FAM107A: variants seen among roughly 807,000 people sequenced by gnomAD.
FAM107A encodes the protein family with sequence similarity 107 member A.
Under a neutral mutation model 13.7 loss-of-function variants are expected in FAM107A, and 19 were observed. The ratio of observed to expected loss-of-function variants is 1.38; its 90% CI spans 0.97 to 2.03. The LOEUF is 2.03. FAM107A is among the 30% of genes most tolerant of loss of function. The probability of loss-of-function intolerance (pLI) is 0.00; values close to 1 mark genes in which losing one functional copy is unlikely to be tolerated. For synonymous variants in FAM107A, 82 were observed against 74.5 expected (o/e 1.10, Z -0.52); for missense variants, 203 against 184.4 (o/e 1.10, Z -0.58).
At chr3:58,615,898 C>CAAAA (rs11311985) in intron 1 of FAM107A, among the ~76,000 whole-genome samples, 29 of 74,716 alleles carry the variant, frequency 3.9e-4, no homozygotes, top group African/African-American at 7.0e-4. Flanking sequence ...GACCCTGTCT[C>CAAAA]AAAAAAAAAA....
intron 1 of FAM107A, among the ~76,000 whole-genome samples, chr3:58,576,604 A>G (rs560824931): frequency 1.3e-5 from 2 of 152,242 alleles, no homozygotes; most frequent in Non-Finnish European, 2.9e-5. Context: ...GTTTGGTAGC[A>G]GTTTCAAAAA....
chr3:58,579,329 T>G (rs1204319772), upstream of FAM107A, among the ~76,000 whole-genome samples: 1 of 152,148 alleles, frequency 6.6e-6, no homozygotes, highest in Non-Finnish European at 1.5e-5. Flanking sequence ...CAGGGAGTCT[T>G]GGCCACGCTG....
upstream of FAM107A, among the ~76,000 whole-genome samples, chr3:58,579,245 CAGG>C (rs2063753344): frequency 6.6e-6 from 1 of 152,042 alleles, no homozygotes; most frequent in Admixed American, 6.6e-5. Flanking sequence ...GATGTAAAGG[CAGG>C]CTGGGTGCCA....
upstream of FAM107A, among the ~76,000 whole-genome samples, chr3:58,582,092 T>C (rs1390633178): frequency 6.6e-6 from 1 of 152,222 alleles, no homozygotes; most frequent in African/African-American, 2.4e-5. Context: ...GCTGTCAAAC[T>C]GAGCAAACTT....
intron 1 of FAM107A, among the ~76,000 whole-genome samples, chr3:58,621,834 A>G (rs891214095): frequency 6.6e-6 from 1 of 152,200 alleles, no homozygotes; most frequent in African/African-American, 2.4e-5. Context: ...TGGCCTGCCC[A>G]AGAGAGTGCT....
intron 1 of FAM107A, among the ~76,000 whole-genome samples, chr3:58,622,712 T>A (rs2106641920): frequency 6.6e-6 from 1 of 151,630 alleles, no homozygotes; most frequent in Middle Eastern, 3.4e-3. Context: ...TGAGAAAAGG[T>A]GGAGAGGCTG....
Position 58,604,916 on chromosome 3 carries a change from G to A in FAM107A, c.-69-15647C>T, listed in dbSNP as rs1330755487. ...ATGTGTTGTGGAGACTCTGGATTTT[G>A]TTATCTTTTTCTGATGAGTGTTAGG... is the stretch of plus-strand genomic sequence containing the variant. On this transcript the variant is annotated intron_variant, in intron 1 of 3. Transcript: ENST00000465970. The surrounding 1 kb of genome is among the most constrained non-coding windows in gnomAD (Gnocchi z 4.1). Among the ~76,000 whole-genome samples, 1 of 152,140 alleles carries A rather than the reference G, an allele frequency of 6.6e-6. No homozygotes were observed. Among genetic ancestry groups the A allele is most frequent in the Non-Finnish European group, 1.5e-5 (1 of 68,014 alleles).
At chr3:58,626,504 G>T (rs1220787054) in intron 1 of FAM107A, among the ~76,000 whole-genome samples, 2 of 152,172 alleles carry the variant, frequency 1.3e-5, no homozygotes, top group African/African-American at 2.4e-5. Context: ...TTCCAAGGTA[G>T]TGATTATTAT....
intron 1 of FAM107A, among the ~76,000 whole-genome samples, chr3:58,572,054 G>A (rs534010607): frequency 8.5e-5 from 13 of 152,250 alleles, no homozygotes; most frequent in Admixed American, 2.0e-4. Context: ...GAACAGAAAC[G>A]CATTTGAAAC....
At chr3:58,607,019 T>G (rs992137562) in intron 1 of FAM107A, 1 of 152,220 alleles carries the variant, frequency 6.6e-6, no homozygotes, top group Admixed American at 6.5e-5. Context: ...TTGATGTCAT[T>G]ACTCCTAGAC....
upstream of FAM107A, among the ~76,000 whole-genome samples, chr3:58,591,217 G>A (rs891630827): frequency 3.3e-5 from 5 of 152,218 alleles, no homozygotes; most frequent in Admixed American, 2.0e-4. This position sits in a 1 kb window ranked among gnomAD's most constrained non-coding sequence, Gnocchi z 4.3. Flanking sequence ...TGTAGAGAAG[G>A]GAAAGGGGGT....
rs1179350277 is a variant in FAM107A, at chr3:58,617,861, A to G, written c.-70+9555T>C. Among the ~76,000 whole-genome samples the G allele has an allele frequency of 6.6e-6, 1 of 152,232 alleles. No individual in the cohort carries two copies. Among genetic ancestry groups the G allele is most frequent in the Non-Finnish European group, 1.5e-5 (1 of 68,054 alleles). On this transcript the variant is annotated intron_variant, in intron 1 of 3. Coordinates refer to the FAM107A transcript ENST00000465970. The surrounding 1 kb of genome is among the most constrained non-coding windows in gnomAD (Gnocchi z 4.5). The stretch of plus-strand genomic sequence containing the variant: ...GCTTCAGTCCTGATGCTTGAAAAAC[A>G]AGATGAACAGCTTCAATCCTGACGC...
intron 1 of FAM107A, among the ~76,000 whole-genome samples, chr3:58,618,433 CT>C (rs1365313929): frequency 6.6e-6 from 1 of 152,214 alleles, no homozygotes; most frequent in Non-Finnish European, 1.5e-5. Context: ...TCACTTTACC[CT>C]AAACCAGTGG....
intron 2 of FAM107A, among the ~76,000 whole-genome samples, chr3:58,568,305 G>A (rs918648803): frequency 6.6e-6 from 1 of 151,864 alleles, no homozygotes; most frequent in Non-Finnish European, 1.5e-5. Flanking sequence ...TGTGGTGGCG[G>A]GCACCTGTAG....
chr3:58,593,829 A>G (rs2065675245), intron 1 of FAM107A, among the ~76,000 whole-genome samples: 1 of 152,070 alleles, frequency 6.6e-6, no homozygotes, highest in Non-Finnish European at 1.5e-5. Context: ...CTCCTTTAAT[A>G]GCCCTCATCT....
At chr3:58,627,262 C>A (rs1214796137) in intron 1 of FAM107A, 2 of 501,810 alleles carry the variant, frequency 4.0e-6, no homozygotes, top group Non-Finnish European at 7.1e-6. Flanking sequence ...CCTGCAGCTC[C>A]TCACCTCCCA....
intron 1 of FAM107A, among the ~76,000 whole-genome samples, chr3:58,621,880 T>C (rs561326205): frequency 6.6e-6 from 1 of 152,344 alleles, no homozygotes; most frequent in South Asian, 2.1e-4. Flanking sequence ...ACACTAGCCC[T>C]GCCACTTCCT....
chr3:58,586,516 C>A (rs1359605084), intron 1 of FAM107A, among the ~76,000 whole-genome samples: 2 of 152,066 alleles, frequency 1.3e-5, no homozygotes, highest in Non-Finnish European at 2.9e-5. Flanking sequence ...AGGGAGAACT[C>A]GTCCCTACAA....
At chr3:58,600,180 A>C (rs2065742173) in intron 1 of FAM107A, among the ~76,000 whole-genome samples, 1 of 151,930 alleles carries the variant, frequency 6.6e-6, no homozygotes, top group Non-Finnish European at 1.5e-5. Flanking sequence ...CTTTTTTGGA[A>C]AGGGGAAAAG....
Sources: allele counts gnomAD v4.1 joint callset (sites outside exome capture counted in the v4.1 genomes callset), GRCh38; gene constraint gnomAD v4.1.1; non-coding constraint Gnocchi (gnomAD v3.1); transcripts MANE v1.5; gene names NCBI Gene and HGNC (gene_info 2026-07-23, HGNC 2026-07-21).